Variants in RANBP2 observed in about 807,000 individuals in gnomAD.
The protein encoded by RANBP2 is RAN binding protein 2.
Under a neutral mutation model 303.6 loss-of-function variants are expected in RANBP2, and 57 were observed. The ratio of observed to expected loss-of-function variants is 0.19; its 90% CI spans 0.15 to 0.23. The LOEUF (loss-of-function observed/expected upper bound fraction) is 0.23, where lower values mean the gene tolerates loss of function less well. RANBP2 is among the 10% of genes least tolerant of loss of function. The pLI, the probability that RANBP2 is intolerant of heterozygous loss-of-function variation, is 1.00. For missense variants in RANBP2, 3,138 were observed against 3,780.8 expected, an observed-to-expected ratio of 0.83 and a Z score of 4.46; for synonymous variants, 1,167 against 1,301.5, an observed-to-expected ratio of 0.90 and a Z score of 2.23.
the RANBP2 span, among the ~76,000 whole-genome samples, chr2:108,943,112 A>C: frequency 6.6e-6 from 1 of 152,062 alleles, no homozygotes; most frequent in Admixed American, 6.5e-5. Flanking sequence ...GAAGCAAAGA[A>C]CTCATAAATT....
the RANBP2 span, among the ~76,000 whole-genome samples, chr2:109,498,057 C>T: frequency 6.6e-6 from 1 of 152,164 alleles, no homozygotes; most frequent in Non-Finnish European, 1.5e-5. Flanking sequence ...CTGGCTGCAT[C>T]CCGGCAGCCA....
the RANBP2 span, among the ~76,000 whole-genome samples, chr2:108,893,647 C>T: frequency 6.6e-6 from 1 of 151,778 alleles, no homozygotes; most frequent in African/African-American, 2.4e-5. Flanking sequence ...AAGAAGGGTT[C>T]TCCCTGCATA....
At chr2:109,658,599 G>C in the RANBP2 span, among the ~76,000 whole-genome samples, 1 of 152,128 alleles carries the variant, frequency 6.6e-6, no homozygotes, top group African/African-American at 2.4e-5. Flanking sequence ...AATGACATCA[G>C]TGATATTCCA....
the RANBP2 span, among the ~76,000 whole-genome samples, chr2:109,318,499 A>C: frequency 1.3e-5 from 2 of 152,212 alleles, no homozygotes; most frequent in South Asian, 4.1e-4. Flanking sequence ...ATCATAGCAC[A>C]ATCATTTTGG....
the RANBP2 span, chr2:109,129,187 C>G: frequency 2.1e-6 from 1 of 472,060 alleles, no homozygotes; most frequent in Admixed American, 2.9e-5. Flanking sequence ...CTCCCAGGCG[C>G]GAGCCGCCGC....
At chr2:109,377,935 G>A in the RANBP2 span, among the ~76,000 whole-genome samples, 972 of 152,352 alleles carry the variant, frequency 6.4e-3, 10 homozygotes, top group East Asian at 0.047. Context: ...CATTGGGAGC[G>A]GATAGCTCGG....
the RANBP2 span, among the ~76,000 whole-genome samples, chr2:109,316,497 G>T: frequency 2.0e-5 from 3 of 152,198 alleles, no homozygotes; most frequent in East Asian, 1.9e-4. Context: ...GACATGGAGA[G>T]AACTTATCAC....
the RANBP2 span, among the ~76,000 whole-genome samples, chr2:108,860,514 T>C: frequency 7.3e-6 from 1 of 136,242 alleles, no homozygotes; most frequent in East Asian, 2.1e-4. Context: ...GTTGTTGAGG[T>C]TTTTTTTTTT....
At chr2:109,373,681 A>C in the RANBP2 span, among the ~76,000 whole-genome samples, 1 of 152,196 alleles carries the variant, frequency 6.6e-6, no homozygotes, top group Non-Finnish European at 1.5e-5. Context: ...TCTGGGCTGC[A>C]GAAAGGTTTC....
the RANBP2 span, among the ~76,000 whole-genome samples, chr2:108,803,359 C>T: frequency 6.6e-6 from 1 of 152,060 alleles, no homozygotes; most frequent in Non-Finnish European, 1.5e-5. Flanking sequence ...GCCCCTCTTC[C>T]TGATTATCTT....
the RANBP2 span, among the ~76,000 whole-genome samples, chr2:109,143,458 G>T: frequency 6.6e-6 from 1 of 152,140 alleles, no homozygotes; most frequent in South Asian, 2.1e-4. Flanking sequence ...AGAAAGTGCA[G>T]TGGGCTGGGT....
the RANBP2 span, among the ~76,000 whole-genome samples, chr2:109,269,750 G>T: frequency 3.3e-5 from 5 of 152,242 alleles, no homozygotes; most frequent in Admixed American, 1.3e-4. Context: ...CTGCACTCCA[G>T]CCTGGGTGAC....
intron 18 of RANBP2, among the ~76,000 whole-genome samples, chr2:108,760,444 CTTTA>C (rs973898613): frequency 2.6e-5 from 4 of 151,968 alleles, no homozygotes; most frequent in Non-Finnish European, 1.5e-5. Context: ...AATTCTGTTC[CTTTA>C]TTTATGTTGT....
At chr2:108,799,053 CG>C in the RANBP2 span, among the ~76,000 whole-genome samples, 1 of 151,472 alleles carries the variant, frequency 6.6e-6, no homozygotes, top group Admixed American at 6.6e-5. Context: ...GTTTGTGGGG[CG>C]GGGGGGTTGT....
At chr2:109,022,515 A>G in the RANBP2 span, among the ~76,000 whole-genome samples, 1 of 152,176 alleles carries the variant, frequency 6.6e-6, no homozygotes, top group Non-Finnish European at 1.5e-5. Context: ...AAAGTCAAAC[A>G]CTGCATTTCT....
the RANBP2 span, among the ~76,000 whole-genome samples, chr2:109,081,926 TC>T: frequency 6.6e-6 from 1 of 152,250 alleles, no homozygotes; most frequent in African/African-American, 2.4e-5. Context: ...GAAAAGTCTG[TC>T]TGGTTCTTCA....
chr2:109,764,697 G>A, the RANBP2 span, among the ~76,000 whole-genome samples: 1 of 144,090 alleles, frequency 6.9e-6, no homozygotes, highest in Non-Finnish European at 1.5e-5. Context: ...CCATGAAATA[G>A]GTGGCCTTTG....
the RANBP2 span, among the ~76,000 whole-genome samples, chr2:109,354,674 C>G: frequency 6.6e-6 from 1 of 152,244 alleles, no homozygotes; most frequent in Non-Finnish European, 1.5e-5. Flanking sequence ...GGGCAGTGTG[C>G]TCCGCCAGCC....
chr2:109,160,991 TG>T, the RANBP2 span, among the ~76,000 whole-genome samples: 1 of 151,946 alleles, frequency 6.6e-6, no homozygotes, highest in East Asian at 1.9e-4. Flanking sequence ...GGGGGATCCC[TG>T]GGAGAACTGA....
Sources: allele counts gnomAD v4.1 joint callset (sites outside exome capture counted in the v4.1 genomes callset), GRCh38; gene constraint gnomAD v4.1.1; transcripts MANE v1.5; gene names NCBI Gene and HGNC (gene_info 2026-07-23, HGNC 2026-07-21).